The following NRXN3 variants were observed in gnomAD, a reference collection of about 807,000 sequenced individuals.
NRXN3 encodes neurexin 3.
NRXN3 carries 32 observed loss-of-function variants against 137.6 expected under a neutral mutation model. The ratio of observed to expected loss-of-function variants is 0.23; its 90% CI spans 0.18 to 0.31. NRXN3 has a LOEUF of 0.31. Ranked by LOEUF, NRXN3 falls within the 10% of genes least tolerant of loss-of-function variation. NRXN3 has a pLI of 1.00. For synonymous variants in NRXN3, 798 were observed against 784.5 expected, an observed-to-expected ratio of 1.02 and a Z score of -0.29; for missense variants, 1,574 against 2,062.5, an observed-to-expected ratio of 0.76 and a Z score of 4.59.
chr14:79,728,538 A>G (rs2098906606), intron 19 of NRXN3, among the ~76,000 whole-genome samples: 1 of 152,246 alleles, frequency 6.6e-6, no homozygotes, highest in African/African-American at 2.4e-5. Context: ...AAACCGCAGC[A>G]GGAAGACTTT....
At chr14:78,419,883 C>T (rs1476033694) in intron 4 of NRXN3, among the ~76,000 whole-genome samples, 1 of 152,062 alleles carries the variant, frequency 6.6e-6, no homozygotes, top group Non-Finnish European at 1.5e-5. Flanking sequence ...CTCTCAGTAT[C>T]ATTCATAGTC....
At chr14:78,208,560 T>A (rs1279272358) in intron 1 of NRXN3, among the ~76,000 whole-genome samples, 4 of 152,224 alleles carry the variant, frequency 2.6e-5, no homozygotes, top group African/African-American at 9.6e-5. Context: ...AGATAACACT[T>A]CTTTCCCTGA....
chr14:78,577,485 G>A (rs571198617), intron 4 of NRXN3, among the ~76,000 whole-genome samples: 16 of 151,482 alleles, frequency 1.1e-4, no homozygotes, highest in African/African-American at 3.4e-4. Flanking sequence ...TTTTTTTTGC[G>A]ATGGAGTTTT....
intron 6 of NRXN3, among the ~76,000 whole-genome samples, chr14:78,685,245 C>T (rs996924833): frequency 2.6e-5 from 4 of 152,086 alleles, no homozygotes; most frequent in African/African-American, 7.2e-5. Flanking sequence ...TGTTTTTGCC[C>T]CTGGATCTCC....
chr14:79,785,167 C>A (rs1186694081), intron 19 of NRXN3, among the ~76,000 whole-genome samples: 1 of 152,144 alleles, frequency 6.6e-6, no homozygotes, highest in Non-Finnish European at 1.5e-5. Context: ...CTCTAAATAC[C>A]TGGGACATAC....
intron 8 of NRXN3, among the ~76,000 whole-genome samples, chr14:78,725,593 A>G (rs2098479367): frequency 6.6e-6 from 1 of 152,242 alleles, no homozygotes; most frequent in Non-Finnish European, 1.5e-5. Flanking sequence ...CACAAAGTCA[A>G]GGCTATATTG....
At chr14:78,403,637 T>C (rs1406834683) in intron 4 of NRXN3, 4 of 843,334 alleles carry the variant, frequency 4.7e-6, no homozygotes, top group Non-Finnish European at 5.7e-6. Context: ...GCACTAAGAT[T>C]TGAAGGGTGA....
intron 1 of NRXN3, among the ~76,000 whole-genome samples, chr14:78,179,824 G>GTTTTTTTTTTTTTTTTTTTT (rs1566912649): frequency 7.9e-5 from 1 of 12,620 alleles, no homozygotes; most frequent in Non-Finnish European, 2.2e-4. Context: ...TTTTTTTTTT[G>GTTTTTTTTTTTTTTTTTTTT]TTTGTTTCTG....
intron 4 of NRXN3, among the ~76,000 whole-genome samples, chr14:78,502,193 G>A (rs1163379141): frequency 3.9e-5 from 6 of 152,102 alleles, no homozygotes; most frequent in Non-Finnish European, 8.8e-5. Flanking sequence ...GAGCCTCATG[G>A]ACAATCACGT....
intron 16 of NRXN3, among the ~76,000 whole-genome samples, chr14:79,575,261 A>G (rs1314163738): frequency 6.6e-6 from 1 of 152,166 alleles, no homozygotes; most frequent in Non-Finnish European, 1.5e-5. Flanking sequence ...GCTTGCTAAG[A>G]AAACTTCTTA....
intron 6 of NRXN3, among the ~76,000 whole-genome samples, chr14:78,706,435 T>C (rs2098350560): frequency 6.6e-6 from 1 of 152,216 alleles, no homozygotes; most frequent in African/African-American, 2.4e-5. Flanking sequence ...AAGTTGAGCA[T>C]GCATGACTTT....
chr14:79,854,903 T>G (rs111791128), intron 20 of NRXN3, among the ~76,000 whole-genome samples: 5 of 152,222 alleles, frequency 3.3e-5, no homozygotes, highest in Non-Finnish European at 5.9e-5. Context: ...AAAATGCAGA[T>G]ATCAAGAATC....
intron 6 of NRXN3, among the ~76,000 whole-genome samples, chr14:78,672,085 A>G (rs981024696): frequency 6.6e-6 from 1 of 152,208 alleles, no homozygotes; most frequent in Non-Finnish European, 1.5e-5. Context: ...ACAGAACTTG[A>G]AAGATCTAAT....
At chr14:78,301,968 G>T (rs2076915738) in intron 4 of NRXN3, among the ~76,000 whole-genome samples, 1 of 152,068 alleles carries the variant, frequency 6.6e-6, no homozygotes, top group Non-Finnish European at 1.5e-5. Flanking sequence ...AAAGGAGGTG[G>T]GTGGGAAAGC....
At chr14:79,454,216 T>A (rs2096224367) in intron 15 of NRXN3, among the ~76,000 whole-genome samples, 1 of 152,108 alleles carries the variant, frequency 6.6e-6, no homozygotes, top group South Asian at 2.1e-4. Flanking sequence ...TCCAAGAAGC[T>A]GGGACTACAG....
intron 15 of NRXN3, among the ~76,000 whole-genome samples, chr14:79,257,370 G>A (rs1381116554): frequency 3.3e-4 from 31 of 94,952 alleles, no homozygotes; most frequent in African/African-American, 3.9e-4. Context: ...GGTGGTGGTG[G>A]TGGTGGTGGT....
intron 15 of NRXN3, among the ~76,000 whole-genome samples, chr14:79,379,280 G>A (rs1390526788): frequency 6.6e-6 from 1 of 152,116 alleles, no homozygotes; most frequent in Non-Finnish European, 1.5e-5. Context: ...TGGTCATTGT[G>A]TGTGACGGTG....
intron 15 of NRXN3, among the ~76,000 whole-genome samples, chr14:79,049,072 AAATAAT>A (rs750758304): frequency 0.029 from 1,231 of 42,444 alleles, 167 homozygotes; most frequent in East Asian, 0.067. Flanking sequence ...AAAAAAAAAA[AAATAAT>A]AATAATAATA....
At chr14:78,680,145 T>A (rs1479847125) in intron 6 of NRXN3, among the ~76,000 whole-genome samples, 1 of 152,092 alleles carries the variant, frequency 6.6e-6, no homozygotes, top group Non-Finnish European at 1.5e-5. Flanking sequence ...AACCAAATAC[T>A]GCATATTCTT....
Sources: allele counts gnomAD v4.1 joint callset (sites outside exome capture counted in the v4.1 genomes callset), GRCh38; gene constraint gnomAD v4.1.1; transcripts MANE v1.5; gene names NCBI Gene and HGNC (gene_info 2026-07-23, HGNC 2026-07-21).